The following KDM1B variants were observed in gnomAD, a reference collection of about 807,000 sequenced individuals.
The protein encoded by KDM1B is lysine demethylase 1B.
Under a neutral mutation model 107.4 loss-of-function variants are expected in KDM1B, and 63 were observed. That is an observed-to-expected ratio of 0.59 (90% confidence interval 0.48 to 0.72). The LOEUF is 0.72. KDM1B is among the 30% of genes least tolerant of loss of function. The pLI, the probability that KDM1B is intolerant of heterozygous loss-of-function variation, is 0.00. For missense variants in KDM1B, 749 were observed against 1,020.8 expected, an observed-to-expected ratio of 0.73 and a Z score of 3.63; for synonymous variants, 363 against 363.9, an observed-to-expected ratio of 1.00 and a Z score of 0.03.
In KDM1B at chr6:18,162,849, G is replaced by T. The variant is rs921225400; in HGVS notation, c.230G>T (p.Gly77Val). Residue 77 changes from glycine to valine, a missense_variant, in exon 5 of 22, where the codon GGC becomes GTC. Coordinates refer to ENST00000650836, the MANE Select transcript of KDM1B (RefSeq NM_001364614.2). This position sits in a 1 kb window ranked among gnomAD's most constrained non-coding sequence, Gnocchi z 4.1. Reference sequence around the variant, plus strand: ...ACTATTTTCAGATGTGCCAAAAATGGCTACACCTCCCGATGGTATCATCTC... The same window carrying T: ...ACTATTTTCAGATGTGCCAAAAATGTCTACACCTCCCGATGGTATCATCTC... ...ASASERCAKN[G>V]YTSRWYHLSC... 6.2e-7 allele frequency: 1 copy of T among 1,606,038 alleles called. No homozygotes were observed. The highest frequency in any genetic ancestry group is 8.5e-7 in the Non-Finnish European group (1 of 1,172,778).
chr6:18,198,600 T>TGCACTCCA (rs1467886147), intron 12 of KDM1B, among the ~76,000 whole-genome samples: 1 of 129,172 alleles, frequency 7.7e-6, no homozygotes, highest in African/African-American at 2.8e-5. Flanking sequence ...ATTGCGCCAC[T>TGCACTCCA]GCACTCCAGC....
intron 14 of KDM1B, among the ~76,000 whole-genome samples, chr6:18,202,250 G>A (rs1293159424): frequency 7.2e-6 from 1 of 138,028 alleles, no homozygotes; most frequent in Non-Finnish European, 1.5e-5. Flanking sequence ...AAAAAGGGCG[G>A]GGGGCAAGCA....
At chr6:18,165,073 A>C (rs1401812626) in intron 5 of KDM1B, among the ~76,000 whole-genome samples, 1 of 149,460 alleles carries the variant, frequency 6.7e-6, no homozygotes, top group Non-Finnish European at 1.5e-5. Context: ...ATATCTTGCT[A>C]GCTGTTTTCC....
At position 18,211,237 on chromosome 6, in the gene KDM1B, A is replaced by G. The variant is rs907891088; in HGVS notation, c.1867-1251A>G. 1.2e-4 allele frequency among the ~76,000 whole-genome samples: 18 copies of G among 152,266 alleles called. No homozygotes were observed. Among genetic ancestry groups the G allele is most frequent in the African/African-American group, 4.1e-4 (17 of 41,562 alleles). The stretch of plus-strand genomic sequence containing the variant: ...AACTTCCTGTGATCCTAGAATTGAG[A>G]GTTAAGCCAAATATACAAAATCTTT... On this transcript the variant is annotated intron_variant, in intron 17 of 21. Transcript: ENST00000650836. The surrounding 1 kb of genome is among the most constrained non-coding windows in gnomAD (Gnocchi z 5.2).
intron 17 of KDM1B, among the ~76,000 whole-genome samples, chr6:18,210,368 T>TG (rs1788775053): frequency 1.0e-5 from 1 of 95,342 alleles, no homozygotes; most frequent in Non-Finnish European, 2.2e-5. Context: ...TTTTTTTTTT[T>TG]TTTTGTTTTA....
chr6:18,191,436 A>G lies in KDM1B; in HGVS notation c.969+55A>G, dbSNP rs1787278410. 1 of 1,480,256 alleles carries G rather than the reference A, an allele frequency of 6.8e-7. No homozygotes were observed. The highest frequency in any genetic ancestry group is 9.1e-7 in the Non-Finnish European group (1 of 1,098,114). 91.7% of individuals were successfully genotyped at this position (1,480,256 alleles called of 1,614,324 possible). On this transcript the variant is annotated intron_variant, in intron 10 of 21. Coordinates refer to ENST00000650836, the MANE Select transcript of KDM1B (RefSeq NM_001364614.2). The surrounding 1 kb of genome is among the most constrained non-coding windows in gnomAD (Gnocchi z 5.1). ...TGGACAGAGGAGGACCATGTTGAAA[A>G]GGAGGGGATACTTCATCTGGGGATG...
rs1037632158 is a variant in KDM1B at position 18,200,781 on chromosome 6, A to T, written c.1359+205A>T. ...ATACTTTTTTTCCTTTTTCTAAGCT[A>T]TTTAATTTTATTTCCTTGTTCTTTG... is the stretch of plus-strand genomic sequence containing the variant. On this transcript the variant is annotated intron_variant, in intron 13 of 21. Transcript: ENST00000650836. This position sits in a 1 kb window ranked among gnomAD's most constrained non-coding sequence, Gnocchi z 4.3. 6.6e-6 allele frequency among the ~76,000 whole-genome samples: 1 copy of T among 152,114 alleles called. No individual in the cohort carries two copies. Among genetic ancestry groups the T allele is most frequent in the Non-Finnish European group, 1.5e-5 (1 of 68,006 alleles).
intron 17 of KDM1B, 120 bp downstream of exon 17, chr6:18,208,326 A>G: frequency 1.4e-6 from 1 of 690,616 alleles, no homozygotes; most frequent in Non-Finnish European, 2.5e-6. Context: ...CCCTTGTTGG[A>G]TTTCTGGTAA....
intron 9 of KDM1B, among the ~76,000 whole-genome samples, chr6:18,189,499 C>A (rs1226253883): frequency 6.6e-6 from 1 of 152,154 alleles, no homozygotes; most frequent in African/African-American, 2.4e-5. Context: ...AAAGAAATTT[C>A]TTTTCACATT....
chr6:18,160,064 G>C, intron 3 of KDM1B, 82 bp downstream of exon 3: 1 of 886,686 alleles, frequency 1.1e-6, no homozygotes, highest in Non-Finnish European at 1.7e-6. Context: ...GAGTTGAAAA[G>C]ATTACTCCAG....
chr6:18,167,754 A>G lies in KDM1B; in HGVS notation c.417+1376A>G, dbSNP rs1212817122. The stretch of plus-strand genomic sequence containing the variant: ...CTCCCACAGTGCTGGGATTACAGAC[A>G]TGAGCCACAATGCCCAATTTTTTTT... On this transcript the variant is annotated intron_variant, in intron 6 of 21. Coordinates refer to ENST00000650836, the MANE Select transcript of KDM1B (RefSeq NM_001364614.2). 2.0e-5 allele frequency among the ~76,000 whole-genome samples: 3 copies of G among 151,866 alleles called. No homozygotes were observed. In the East Asian group the frequency reaches 5.8e-4, roughly 30 times the overall value.
At chr6:18,157,782 G>A (rs1300712271) in intron 2 of KDM1B, among the ~76,000 whole-genome samples, 1 of 149,806 alleles carries the variant, frequency 6.7e-6, no homozygotes, top group Non-Finnish European at 1.5e-5. Context: ...GCCTTCTTTG[G>A]GTATAACAAT....
In KDM1B at chr6:18,203,025, T is replaced by C. The variant is rs933961224; in HGVS notation, c.1531+1368T>C. On this transcript the variant is annotated intron_variant, in intron 14 of 21. Coordinates refer to ENST00000650836, the MANE Select transcript of KDM1B (RefSeq NM_001364614.2). The surrounding 1 kb of genome is among the most constrained non-coding windows in gnomAD (Gnocchi z 5.5). Reference sequence around the variant, plus strand: ...TTCTCAGGACTTGGTTAGTGTTTTGTACCTGTGTTGCAGTCACTGGCTGGA... The same window carrying C: ...TTCTCAGGACTTGGTTAGTGTTTTGCACCTGTGTTGCAGTCACTGGCTGGA... Among the ~76,000 whole-genome samples the C allele has an allele frequency of 1.3e-5, 2 of 152,230 alleles. No individual in the cohort carries two copies. Among genetic ancestry groups the C allele is most frequent in the African/African-American group, 4.8e-5 (2 of 41,468 alleles).
intron 7 of KDM1B, among the ~76,000 whole-genome samples, chr6:18,182,629 C>T (rs1022643626): frequency 1.3e-5 from 2 of 152,056 alleles, no homozygotes; most frequent in African/African-American, 2.4e-5. Context: ...GCCTCAAACT[C>T]CTGAGTTCAA....
chr6:18,187,001 T>C (rs973829058), intron 8 of KDM1B, among the ~76,000 whole-genome samples: 3 of 98,458 alleles, frequency 3.0e-5, no homozygotes, highest in Non-Finnish European at 4.7e-5. Context: ...CACACACACA[T>C]TTTTTTTCCA....
At position 18,209,136 on chromosome 6, in the gene KDM1B, A is replaced by G. The variant is rs1788633084; in HGVS notation, c.1866+930A>G. ...TTTCATATGGCTTAAATTTTTTGTA[A>G]ACAGCTTTATAGTAGGTGAACAGTA... On this transcript the variant is annotated intron_variant, in intron 17 of 21. Transcript: ENST00000650836. This position sits in a 1 kb window ranked among gnomAD's most constrained non-coding sequence, Gnocchi z 4.3. 1.3e-5 allele frequency among the ~76,000 whole-genome samples: 2 copies of G among 152,126 alleles called. No individual in the cohort carries two copies. Among genetic ancestry groups the G allele is most frequent in the South Asian group, 4.1e-4 (2 of 4,830 alleles).
intron 14 of KDM1B, among the ~76,000 whole-genome samples, chr6:18,202,244 A>AAGC (rs200922142): frequency 3.5e-5 from 5 of 143,564 alleles, no homozygotes; most frequent in Non-Finnish European, 7.5e-5. Context: ...ACAAAAAAAA[A>AAGC]GGGCGGGGGG....
rs1788213995 is a variant in KDM1B, at chr6:18,204,012, A to G, written c.1532-1525A>G. 6.6e-6 allele frequency among the ~76,000 whole-genome samples: 1 copy of G among 152,212 alleles called. No individual in the cohort carries two copies. Among genetic ancestry groups the G allele is most frequent in the African/African-American group, 2.4e-5 (1 of 41,466 alleles). ...TGGGACTTCTACAAAAGTCACAGAA[A>G]GTGGCACAAAGCCCAGGGGTCTAGG... On this transcript the variant is annotated intron_variant, in intron 14 of 21. Transcript: ENST00000650836. This position sits in a 1 kb window ranked among gnomAD's most constrained non-coding sequence, Gnocchi z 4.9.
rs1788182658 is a variant in KDM1B at position 18,203,605 on chromosome 6, C to T, written c.1532-1932C>T. 6.6e-6 allele frequency among the ~76,000 whole-genome samples: 1 copy of T among 152,154 alleles called. No individual in the cohort carries two copies. The highest frequency in any genetic ancestry group is 1.5e-5 in the Non-Finnish European group (1 of 68,036). ...CGGTGGCTAACGCCTGTAATCTCAG[C>T]ACTTTGGGAGGCCAAGGCGGGTGGA... On this transcript the variant is annotated intron_variant, in intron 14 of 21. Coordinates refer to ENST00000650836, the MANE Select transcript of KDM1B (RefSeq NM_001364614.2). This position sits in a 1 kb window ranked among gnomAD's most constrained non-coding sequence, Gnocchi z 5.5.
Sources: allele counts gnomAD v4.1 joint callset (sites outside exome capture counted in the v4.1 genomes callset), GRCh38; gene constraint gnomAD v4.1.1; non-coding constraint Gnocchi (gnomAD v3.1); transcripts MANE v1.5; gene names NCBI Gene and HGNC (gene_info 2026-07-23, HGNC 2026-07-21).